Variants in CUBN observed in about 807,000 individuals in gnomAD.
CUBN encodes 460 kDa receptor.
Under a neutral mutation model 405.3 loss-of-function variants are expected in CUBN, and 282 were observed. That is an observed-to-expected ratio of 0.70 (90% CI 0.63 to 0.77). The LOEUF (loss-of-function observed/expected upper bound fraction) is 0.77. Among genes scored for constraint, CUBN ranks in the 30% least tolerant of loss-of-function variants. The probability of loss-of-function intolerance (pLI) is 0.00; values close to 1 mark genes in which losing one functional copy is unlikely to be tolerated. For synonymous variants in CUBN, 1,684 were observed against 1,617.0 expected (o/e 1.04, Z -0.99); for missense variants, 4,514 against 4,475.2 (o/e 1.01, Z -0.25).
At chr10:16,895,338 TAC>T (rs150992845) in intron 54 of CUBN, among the ~76,000 whole-genome samples, 10,261 of 148,966 alleles carry the variant, frequency 0.069, 499 homozygotes, top group African/African-American at 0.13. Context: ...TATATATTTA[TAC>T]ACACACACAC....
At chr10:16,865,355 T>C (rs1328701076) in intron 59 of CUBN, among the ~76,000 whole-genome samples, 1 of 152,162 alleles carries the variant, frequency 6.6e-6, no homozygotes, top group African/African-American at 2.4e-5. Flanking sequence ...CCTTGGTCTC[T>C]TAGCAAAGGT....
At chr10:16,955,374 C>G (rs1283710944) in intron 31 of CUBN, among the ~76,000 whole-genome samples, 2 of 68,858 alleles carry the variant, frequency 2.9e-5, no homozygotes, top group African/African-American at 7.7e-5. Flanking sequence ...GATTCTGTCT[C>G]AAAAAAAAAA....
chr10:17,015,301 C>T (rs1413200955), intron 28 of CUBN, among the ~76,000 whole-genome samples: 1 of 152,124 alleles, frequency 6.6e-6, no homozygotes, highest in African/African-American at 2.4e-5. Context: ...GGTTGATTCC[C>T]TCCTCAAGTA....
chr10:16,894,294 G>A (rs1400028950), intron 54 of CUBN, among the ~76,000 whole-genome samples: 1 of 151,864 alleles, frequency 6.6e-6, no homozygotes, highest in Non-Finnish European at 1.5e-5. Flanking sequence ...CCTATCTCCA[G>A]GTCCTGAAGA....
At position 17,045,079 on chromosome 10, in the gene CUBN, G is replaced by C. The variant is rs769531664; in HGVS notation, c.3600C>G (p.Gly1200=). ...CTTTGAATTCCAGTTCAAATGCGCT[G>C]CCGTGGCTAGATTTCAACCACCAGT... ...ECYWWLKSSH[G]SAFELEFKDF... Residue 1200 remains glycine, a synonymous_variant, in exon 25 of 67, where the codon GGC becomes GGG. Coordinates refer to ENST00000377833, the MANE Select transcript of CUBN (RefSeq NM_001081.4). 6.2e-7 allele frequency: 1 copy of C among 1,614,090 alleles called. No individual in the cohort carries two copies.
intron 28 of CUBN, among the ~76,000 whole-genome samples, chr10:17,019,191 A>G (rs530523811): frequency 4.6e-5 from 7 of 152,300 alleles, no homozygotes; most frequent in Admixed American, 4.6e-4. Flanking sequence ...TGAGATTTGA[A>G]GACATTTCAG....
intron 33 of CUBN, among the ~76,000 whole-genome samples, chr10:16,950,795 G>T (rs113031299): frequency 5.1e-4 from 78 of 152,302 alleles, no homozygotes; most frequent in African/African-American, 1.8e-3. Context: ...GGAAAATGCC[G>T]TCTTTCCAGT....
intron 31 of CUBN, among the ~76,000 whole-genome samples, chr10:16,968,081 A>G (rs541299380): frequency 6.6e-6 from 1 of 152,324 alleles, no homozygotes; most frequent in African/African-American, 2.4e-5. Flanking sequence ...AAAACAGTAA[A>G]TATTTAAAGA....
At chr10:16,947,063 C>T (rs973900200) in intron 36 of CUBN, among the ~76,000 whole-genome samples, 172 bp downstream of exon 36, 1 of 152,102 alleles carries the variant, frequency 6.6e-6, no homozygotes, top group Non-Finnish European at 1.5e-5. Context: ...GAACCATGGT[C>T]GAGAGAAACT....
intron 60 of CUBN, among the ~76,000 whole-genome samples, chr10:16,844,269 C>CAAA (rs374730071): frequency 0.019 from 2,456 of 132,230 alleles, 119 homozygotes; most frequent in African/African-American, 0.07. Context: ...AACTCTGTCC[C>CAAA]CAAAAAAAAA....
intron 59 of CUBN, among the ~76,000 whole-genome samples, chr10:16,856,239 C>G (rs1839865983): frequency 6.6e-6 from 1 of 152,108 alleles, no homozygotes. Flanking sequence ...TTGGGGCCAC[C>G]TAGACAGCTC....
intron 26 of CUBN, among the ~76,000 whole-genome samples, chr10:17,041,600 C>T (rs984450145): frequency 2.0e-5 from 3 of 151,852 alleles, no homozygotes; most frequent in Admixed American, 1.3e-4. Flanking sequence ...GCGCATTCGA[C>T]GTTCTGTGCT....
chr10:17,019,844 C>T lies in CUBN; in HGVS notation c.4157G>A (p.Trp1386Ter). The change falls in exon 28 of 67, where the codon TGG becomes TAG. Residue 1386 changes from tryptophan to a stop codon, truncating the protein, a stop_gained. Coordinates refer to ENST00000377833, the MANE Select transcript of CUBN (RefSeq NM_001081.4). LOFTEE classifies it high-confidence loss of function. ...GRREKGFQMQ[W>*]FVYGCGGELS... The stretch of plus-strand genomic sequence containing the variant: ...AGCACCTGGCTTACCGTAAACAAAC[C>T]ACTGCATCTGAAATCCTTTCTCACG... The T allele has an allele frequency of 6.2e-7, 1 of 1,614,102 alleles. No homozygotes were observed. Among genetic ancestry groups the T allele is most frequent in the Non-Finnish European group, 8.5e-7 (1 of 1,179,988 alleles).
chr10:17,028,772 G>A (rs1834729255), intron 27 of CUBN, among the ~76,000 whole-genome samples: 2 of 151,590 alleles, frequency 1.3e-5, no homozygotes, highest in African/African-American at 2.4e-5. Flanking sequence ...TAAATAAAGA[G>A]CCAATGTAGG....
chr10:17,002,337 G>C (rs1277339304), intron 28 of CUBN, among the ~76,000 whole-genome samples: 10 of 152,144 alleles, frequency 6.6e-5, no homozygotes, highest in Non-Finnish European at 1.2e-4. Flanking sequence ...ATTGTTGCCA[G>C]GGAACCAGAA....
In CUBN at chr10:16,890,424, A is replaced by G. The variant is rs1217611946; in HGVS notation, c.8702T>C (p.Val2901Ala). ...AGCTGGTGCCTCCTGAGACTGGAAG[A>G]CGGCAGTGAATGTGTTACTTGGTGT... ...VITPSNTFTAVFQSQEAPAQG... is the reference protein window; with the variant it reads ...VITPSNTFTAAFQSQEAPAQG... The change falls in exon 55 of 67, where the codon GTC becomes GCC. Residue 2901 changes from valine to alanine, a missense_variant. Physicochemically the swap from Val to Ala is moderately conservative, Grantham distance 64. Coordinates refer to ENST00000377833, the MANE Select transcript of CUBN (RefSeq NM_001081.4). The G allele has an allele frequency of 6.2e-7, 1 of 1,613,948 alleles. No individual in the cohort carries two copies. The highest frequency in any genetic ancestry group is 1.7e-5 in the Admixed American group (1 of 59,998).
chr10:16,840,774 A>G (rs1220301399), intron 61 of CUBN, 111 bp downstream of exon 61: 2 of 996,056 alleles, frequency 2.0e-6, no homozygotes, highest in Admixed American at 3.8e-5. Context: ...AGTAATTGAC[A>G]TTGAGTTTAG....
rs766505807 is a variant in CUBN, at chr10:16,982,633, C to A, written c.4546G>T (p.Ala1516Ser). The A allele has an allele frequency of 2.5e-6, 4 of 1,612,978 alleles. No individual in the cohort carries two copies. The highest frequency in any genetic ancestry group is 2.5e-6 in the Non-Finnish European group (3 of 1,179,280). The stretch of plus-strand genomic sequence containing the variant: ...GGAGAATGAATCTCTCCACTGGGAG[C>A]CTGGAAAATCCCACCACAACCTGGA... ...VTGGCGGIFQ[A>S]PSGEIHSPNY... The change falls in exon 31 of 67, where the codon GCT (alanine) becomes TCT (serine). Residue 1516 changes from alanine (A) to serine (S), a missense_variant. Physicochemically the swap from Ala to Ser is moderately conservative, Grantham distance 99. Coordinates refer to ENST00000377833, the MANE Select transcript of CUBN (RefSeq NM_001081.4).
At chr10:17,047,378 T>A (rs769014589) in intron 23 of CUBN, 36 bp downstream of exon 23, 1 of 1,479,388 alleles carries the variant, frequency 6.8e-7, no homozygotes, top group South Asian at 1.2e-5. Flanking sequence ...GAATAAATAA[T>A]GAAAAGATTA....
Sources: gnomAD v4.1 joint callset for allele counts (sites outside exome capture counted in the v4.1 genomes callset) on GRCh38, gnomAD v4.1.1 for gene constraint, MANE v1.5 for transcripts, NCBI Gene and HGNC (gene_info 2026-07-23, HGNC 2026-07-21) for gene names.